Variants in ZNF235 observed in about 807,000 individuals in gnomAD.
ZNF235 encodes the protein zinc finger protein 235, also known as zfp-93.
ZNF235 carries 25 observed loss-of-function variants against 29.4 expected under a neutral mutation model. The observed-to-expected ratio is 0.85, with a 90% CI of 0.62 to 1.19. The LOEUF is 1.19. ZNF235 is among the 50% of genes most tolerant of loss of function. The pLI is 0.00. For synonymous variants in ZNF235, 300 were observed against 295.3 expected (o/e 1.02, Z -0.16); for missense variants, 788 against 885.0 (o/e 0.89, Z 1.39).
chr19:44,287,400 C>T lies in ZNF235; in HGVS notation c.2035G>A (p.Gly679Arg), dbSNP rs145112162. Residue 679 changes from glycine (G) to arginine (R), a missense_variant, in exon 5 of 5, where the codon GGA (glycine) becomes AGA (arginine). Coordinates refer to ENST00000291182, the MANE Select transcript of ZNF235 (RefSeq NM_004234.4). ...GLSAHQRVHT[G>R]EKPYTCQQCG... ...TGCTGACACGTATAGGGTTTCTCTC[C>T]TGTGTGGACCCTCTGATGGGCACTG... 14 of 1,613,926 alleles carry T rather than the reference C, an allele frequency of 8.7e-6. No individual in the cohort carries two copies. The African/African-American group carries it at 1.7e-4, about 20-fold the overall frequency.
rs73553293 is a variant in ZNF235 at position 44,299,565 on chromosome 19, T to C, written c.142+41A>G. 4.3e-3 allele frequency: 6,891 copies of C among 1,609,668 alleles called. 246 individuals carry two copies. The African/African-American group carries it at 0.077, about 18-fold the overall frequency. On this transcript the variant is annotated intron_variant, in intron 3 of 4. Transcript: ENST00000291182. Reference sequence around the variant, plus strand: ...GCCCAAAACATCAATGGCATGGAGGTTGAGAAACCCTGCTGAATTACAGAG... The same window carrying C: ...GCCCAAAACATCAATGGCATGGAGGCTGAGAAACCCTGCTGAATTACAGAG...
In ZNF235 at chr19:44,287,902, T is replaced by C. The variant is rs1159123451; in HGVS notation, c.1533A>G (p.Gly511=). 4 of 1,613,834 alleles carry C rather than the reference T, an allele frequency of 2.5e-6. No individual in the cohort carries two copies. In the East Asian group the frequency reaches 8.9e-5, roughly 36 times the overall value. ...SFQSHQRVHT[G]EKPFRCNVCG... Reference sequence around the variant, plus strand: ...ACACGTTGCATCGAAATGGTTTCTCTCCTGTATGGACCCTCTGATGGCTCT... The same window carrying C: ...ACACGTTGCATCGAAATGGTTTCTCCCCTGTATGGACCCTCTGATGGCTCT... The change falls in exon 5 of 5, where the codon GGA becomes GGG. Residue 511 remains glycine, a synonymous_variant. Coordinates refer to ENST00000291182, the MANE Select transcript of ZNF235 (RefSeq NM_004234.4).
chr19:44,303,111 T>TA (rs58789481), intron 2 of ZNF235, among the ~76,000 whole-genome samples: 96,779 of 140,678 alleles, frequency 0.69, 33,432 homozygotes, highest in South Asian at 0.77. Context: ...CGTATATTTC[T>TA]TATAAATATA....
At position 44,288,691 on chromosome 19, in the gene ZNF235, T is replaced by A; in HGVS notation, c.744A>T (p.Val248=). ...GAATACTACGCTGGGTAAGAGGTGA[T>A]ACCTTTAGGGTATCTTTACCACAAT... is the stretch of plus-strand genomic sequence containing the variant. ...NSDCGKDTLK[V]SPLTQRSIHT... is the part of the protein sequence containing the mutation. The change falls in exon 5 of 5, where the codon GTA becomes GTT. Residue 248 remains valine, a synonymous_variant. Transcript: ENST00000291182. 1 of 1,614,170 alleles carries A rather than the reference T, an allele frequency of 6.2e-7. No individual in the cohort carries two copies. The highest frequency in any genetic ancestry group is 1.7e-5 in the Admixed American group (1 of 60,018).
rs1242918568 is a variant in ZNF235 at position 44,288,113 on chromosome 19, C to T, written c.1322G>A (p.Ser441Asn). 1 of 1,614,020 alleles carries T rather than the reference C, an allele frequency of 6.2e-7. No homozygotes were observed. The highest frequency in any genetic ancestry group is 8.5e-7 in the Non-Finnish European group (1 of 1,180,036). ...YKCGDCGKRF[S>N]CSSNLHTHQR... is the part of the protein sequence containing the mutation. Reference sequence around the variant, plus strand: ...ATGGGTATGAAGATTTGAGCTACAACTAAAGCGTTTACCACAATCCCCACA... The same window carrying T: ...ATGGGTATGAAGATTTGAGCTACAATTAAAGCGTTTACCACAATCCCCACA... The change falls in exon 5 of 5, where the codon AGT becomes AAT. Residue 441 changes from serine to asparagine, a missense_variant. By Grantham distance (46) the Ser-to-Asn change is conservative. Coordinates refer to ENST00000291182, the MANE Select transcript of ZNF235 (RefSeq NM_004234.4).
At chr19:44,302,985 T>TATATAA (rs1407379354) in intron 2 of ZNF235, among the ~76,000 whole-genome samples, 3 of 133,086 alleles carry the variant, frequency 2.3e-5, no homozygotes, top group African/African-American at 9.1e-5. Context: ...TATATATTTA[T>TATATAA]ATATAAATAT....
At chr19:44,304,448 A>G (rs750637609) in intron 1 of ZNF235, among the ~76,000 whole-genome samples, 2 of 152,192 alleles carry the variant, frequency 1.3e-5, no homozygotes, top group Non-Finnish European at 2.9e-5. Context: ...GAACGGCCCC[A>G]CATCAGGCAA....
intron 1 of ZNF235, 25 bp downstream of exon 1, chr19:44,304,946 T>A (rs1464355842): frequency 1.0e-6 from 1 of 985,276 alleles, no homozygotes; most frequent in Non-Finnish European, 1.2e-6. Context: ...CTCGGAGAAG[T>A]CTTGGAGACC....
intron 2 of ZNF235, 133 bp downstream of exon 2, chr19:44,303,257 G>A (rs1167122150): frequency 1.4e-6 from 1 of 693,792 alleles, no homozygotes; most frequent in Non-Finnish European, 2.5e-6. Context: ...TGAAATAAAA[G>A]GCAACAACCT....
intron 4 of ZNF235, among the ~76,000 whole-genome samples, chr19:44,294,365 C>T (rs181677821): frequency 6.0e-4 from 91 of 152,106 alleles, no homozygotes; most frequent in African/African-American, 2.0e-3. Context: ...CAAGATTGAG[C>T]CAGGAGGAAA....
chr19:44,300,496 G>T (rs1975720639), intron 2 of ZNF235, among the ~76,000 whole-genome samples: 1 of 152,048 alleles, frequency 6.6e-6, no homozygotes, highest in South Asian at 2.1e-4. Context: ...AATGCCACAA[G>T]AAAACATATT....
At chr19:44,289,929 C>T (rs909308403) in intron 4 of ZNF235, 2 of 152,202 alleles carry the variant, frequency 1.3e-5, no homozygotes, top group African/African-American at 4.8e-5. Flanking sequence ...TTTCAATACC[C>T]CTTTCCAACA....
chr19:44,294,796 A>G (rs78108481), intron 4 of ZNF235, among the ~76,000 whole-genome samples: 6,266 of 152,210 alleles, frequency 0.041, 186 homozygotes, highest in South Asian at 0.085. Flanking sequence ...ACACAAACCA[A>G]TAAATGTGAT....
intron 4 of ZNF235, among the ~76,000 whole-genome samples, chr19:44,295,882 G>C (rs1975647351): frequency 6.6e-6 from 1 of 152,088 alleles, no homozygotes; most frequent in South Asian, 2.1e-4. Flanking sequence ...AATCCATCTT[G>C]AGTTCATTAC....
chr19:44,293,298 TAAAA>T (rs1008578112), intron 4 of ZNF235, among the ~76,000 whole-genome samples: 45 of 151,832 alleles, frequency 3.0e-4, no homozygotes, highest in African/African-American at 1.1e-3. Flanking sequence ...TTATATCAGA[TAAAA>T]AAAGACTTTA....
intron 2 of ZNF235, among the ~76,000 whole-genome samples, chr19:44,302,948 GTA>G (rs1238476282): frequency 1.4e-3 from 112 of 79,942 alleles, no homozygotes; most frequent in Middle Eastern, 6.8e-3. Context: ...ATACATATTT[GTA>G]TATATAAATA....
Position 44,288,409 on chromosome 19 carries a change from T to A in ZNF235, c.1026A>T (p.Thr342=), listed in dbSNP as rs746085190. Residue 342 remains threonine (T), a synonymous_variant, in exon 5 of 5, where the codon ACA becomes ACT. Coordinates refer to ENST00000291182, the MANE Select transcript of ZNF235 (RefSeq NM_004234.4). ...CGTGGCATGTATAGGGTTTCTCCCC[T>A]GTGTGGACTCTCTGATGAGTTTGCA... ...SNLQTHQRVH[T]GEKPYTCHEC... is the part of the protein sequence containing the mutation. 19 of 1,613,650 alleles carry A rather than the reference T, an allele frequency of 1.2e-5. No homozygotes were observed. The highest frequency in any genetic ancestry group is 1.6e-5 in the Non-Finnish European group (19 of 1,179,808).
At chr19:44,291,547 T>C (rs1409328064) in intron 4 of ZNF235, among the ~76,000 whole-genome samples, 1 of 151,990 alleles carries the variant, frequency 6.6e-6, no homozygotes, top group Admixed American at 6.6e-5. Context: ...AGAAAGAAGA[T>C]ACAAATTACA....
chr19:44,298,160 C>G (rs988414500), intron 4 of ZNF235, among the ~76,000 whole-genome samples: 1 of 152,092 alleles, frequency 6.6e-6, no homozygotes, highest in Non-Finnish European at 1.5e-5. Flanking sequence ...TAAGAAAAAA[C>G]AGCATTCCAG....
Sources: allele counts gnomAD v4.1 joint callset (sites outside exome capture counted in the v4.1 genomes callset), GRCh38; gene constraint gnomAD v4.1.1; transcripts MANE v1.5; gene names NCBI Gene and HGNC (gene_info 2026-07-23, HGNC 2026-07-21).